Variants in FOXP2 observed in about 807,000 individuals in gnomAD.
FOXP2 encodes the protein forkhead box protein P2.
A neutral mutation model predicts 115.8 loss-of-function variants in FOXP2; 12 were observed. The ratio of observed to expected loss-of-function variants is 0.10; its 90% CI spans 0.07 to 0.17. The LOEUF (loss-of-function observed/expected upper bound fraction) is 0.17, where lower values mean the gene tolerates loss of function less well. Ranked by LOEUF, FOXP2 falls within the 10% of genes least tolerant of loss-of-function variation. FOXP2 has a pLI of 1.00. For missense variants in FOXP2, 629 were observed against 843.5 expected (o/e 0.75, Z 3.15); for synonymous variants, 328 against 297.7 (o/e 1.10, Z -1.05).
chr7:114,117,792 C>T (rs564834241), intron 1 of FOXP2, among the ~76,000 whole-genome samples: 1 of 152,218 alleles, frequency 6.6e-6, no homozygotes, highest in East Asian at 1.9e-4. Context: ...TCTCTTAGTT[C>T]TGCTGGAAGT....
intron 3 of FOXP2, among the ~76,000 whole-genome samples, chr7:114,536,360 T>C (rs35325998): frequency 0.087 from 13,134 of 150,658 alleles, 1,215 homozygotes; most frequent in African/African-American, 0.23. Context: ...TACCAGGGTA[T>C]CTCTGGAAAG....
intron 5 of FOXP2, among the ~76,000 whole-genome samples, 162 bp from the exon 6 acceptor site, chr7:114,631,366 C>G (rs1314213374): frequency 2.0e-5 from 3 of 152,126 alleles, no homozygotes; most frequent in Non-Finnish European, 4.4e-5. Flanking sequence ...AGAAAGGCAA[C>G]TGAAAATCTA....
At position 114,614,118 on chromosome 7, in the gene FOXP2, G is replaced by A. The variant is rs537952732; in HGVS notation, c.259-14422G>A. Among the ~76,000 whole-genome samples the A allele has an allele frequency of 1.4e-3, 212 of 152,242 alleles. 2 individuals carry two copies. The highest frequency in any genetic ancestry group is 4.3e-3 in the African/African-American group (178 of 41,548). ...GTAGAATTCCTAGGTCAAAGAATACGTTCCGTTTTAATTTTGATAGATACT... is the reference window on the plus strand; with the variant it reads ...GTAGAATTCCTAGGTCAAAGAATACATTCCGTTTTAATTTTGATAGATACT... On this transcript the variant is annotated intron_variant, in intron 3 of 16. Coordinates refer to ENST00000350908, the MANE Select transcript of FOXP2 (RefSeq NM_014491.4).
At chr7:114,241,217 C>T (rs893464961) in intron 1 of FOXP2, among the ~76,000 whole-genome samples, 3 of 152,024 alleles carry the variant, frequency 2.0e-5, no homozygotes, top group African/African-American at 7.2e-5. Context: ...AAAATATTCT[C>T]TGTCTTCTGG....
intron 1 of FOXP2, among the ~76,000 whole-genome samples, chr7:114,132,576 TGTGTGTGAGAGAGAGAGA>T (rs1213565108): frequency 4.5e-5 from 3 of 67,202 alleles, no homozygotes; most frequent in African/African-American, 1.7e-4. Context: ...TGTGTGTGTG[TGTGTGTGAGAGAGAGAGA>T]GAGAGAGAGA....
At chr7:114,493,648 A>C (rs938840706) in intron 2 of FOXP2, among the ~76,000 whole-genome samples, 2 of 151,934 alleles carry the variant, frequency 1.3e-5, no homozygotes, top group Admixed American at 1.3e-4. Flanking sequence ...ACACGCACCC[A>C]CACACACATA....
intron 1 of FOXP2, among the ~76,000 whole-genome samples, chr7:114,135,754 T>A (rs1792021023): frequency 6.6e-6 from 1 of 152,110 alleles, no homozygotes; most frequent in African/African-American, 2.4e-5. Flanking sequence ...AATTTGTAGT[T>A]ACAAAATCTA....
At chr7:114,590,723 G>A (rs780992912) in intron 3 of FOXP2, among the ~76,000 whole-genome samples, 1 of 152,124 alleles carries the variant, frequency 6.6e-6, no homozygotes, top group Non-Finnish European at 1.5e-5. Context: ...TAGTATTTGA[G>A]TTGGGCAGCG....
chr7:114,690,129 CTT>C lies in FOXP2; in HGVS notation c.*219_*220del, dbSNP rs398005924. 128,710 of 413,048 alleles carry C rather than the reference CTT, an allele frequency of 0.31. 8,283 individuals are homozygous for C. Among genetic ancestry groups the C allele is most frequent in the Non-Finnish European group, 0.37 (83,197 of 227,526 alleles). The allele number at this position is 413,048 out of a possible 1,614,324, so 25.6% of individuals were successfully genotyped here. On this transcript the variant is annotated 3_prime_UTR_variant, in exon 17 of 17. Transcript: ENST00000350908. Reference sequence around the variant, plus strand: ...TGCTTGTTTTCTTCTTCTTCTTCTTCTTTTTTTTTTTTTTTTTAGAAAAAAAG... The same window carrying C: ...TGCTTGTTTTCTTCTTCTTCTTCTTCTTTTTTTTTTTTTTTAGAAAAAAAG...
At chr7:114,223,049 A>G (rs1794662067) in intron 1 of FOXP2, among the ~76,000 whole-genome samples, 1 of 152,198 alleles carries the variant, frequency 6.6e-6, no homozygotes. Context: ...GTTGCCAACA[A>G]TAGCAGAACA....
At chr7:114,197,503 C>T (rs888540540) in intron 1 of FOXP2, among the ~76,000 whole-genome samples, 7 of 152,112 alleles carry the variant, frequency 4.6e-5, no homozygotes, top group Non-Finnish European at 2.9e-5. Context: ...CCCTCATGAC[C>T]TCATCTAAAC....
chr7:114,622,140 G>A (rs2129323916), intron 3 of FOXP2, among the ~76,000 whole-genome samples: 1 of 152,028 alleles, frequency 6.6e-6, no homozygotes, highest in East Asian at 1.9e-4. Flanking sequence ...CTGAGAGACT[G>A]TAATATCTGA....
intron 1 of FOXP2, among the ~76,000 whole-genome samples, chr7:114,279,862 G>C (rs541432335): frequency 1.3e-5 from 2 of 152,060 alleles, no homozygotes; most frequent in African/African-American, 2.4e-5. Context: ...GAGGCAGGAG[G>C]GGGTGAGAGA....
chr7:114,320,295 A>T (rs1415973823), intron 2 of FOXP2, among the ~76,000 whole-genome samples: 1 of 152,188 alleles, frequency 6.6e-6, no homozygotes, highest in Non-Finnish European at 1.5e-5. Context: ...TCTCTTTATC[A>T]CTTCAACTTT....
At chr7:114,216,216 G>A (rs560849832) in intron 1 of FOXP2, among the ~76,000 whole-genome samples, 7 of 152,212 alleles carry the variant, frequency 4.6e-5, no homozygotes, top group Non-Finnish European at 8.8e-5. Flanking sequence ...ATCAAAAGTC[G>A]CCTCATGAAC....
intron 1 of FOXP2, among the ~76,000 whole-genome samples, chr7:114,115,075 C>T (rs1161361083): frequency 1.3e-5 from 2 of 152,082 alleles, no homozygotes; most frequent in Middle Eastern, 6.8e-3. Flanking sequence ...TTCAGTCCGT[C>T]TACTTTTTTC....
intron 1 of FOXP2, among the ~76,000 whole-genome samples, chr7:114,104,272 G>A (rs750094843): frequency 3.3e-5 from 5 of 151,830 alleles, no homozygotes; most frequent in Non-Finnish European, 7.4e-5. Flanking sequence ...GGCTGTATGA[G>A]AAAATACAGG....
chr7:114,135,716 T>C (rs905545370), intron 1 of FOXP2, among the ~76,000 whole-genome samples: 2 of 152,134 alleles, frequency 1.3e-5, no homozygotes, highest in South Asian at 4.1e-4. Flanking sequence ...AAATCTATGA[T>C]GTATTAAATC....
chr7:114,449,091 G>A (rs1794960673), intron 2 of FOXP2, among the ~76,000 whole-genome samples: 2 of 151,892 alleles, frequency 1.3e-5, no homozygotes, highest in African/African-American at 4.8e-5. Context: ...CAGCATTGTT[G>A]TGAGAACTAA....
Sources: allele counts gnomAD v4.1 joint callset (sites outside exome capture counted in the v4.1 genomes callset), GRCh38; gene constraint gnomAD v4.1.1; transcripts MANE v1.5; gene names NCBI Gene and HGNC (gene_info 2026-07-23, HGNC 2026-07-21).